The following CDH13 variants were observed in gnomAD, a reference collection of about 807,000 sequenced individuals.
CDH13 encodes the protein cadherin-13.
Under a neutral mutation model 63.8 loss-of-function variants are expected in CDH13, and 24 were observed. The ratio of observed to expected loss-of-function variants is 0.38; its 90% confidence interval spans 0.27 to 0.53. CDH13 has a LOEUF of 0.53. Ranked by LOEUF, CDH13 falls within the 20% of genes least tolerant of loss-of-function variation. The pLI is 0.85. For missense variants in CDH13, 1,049 were observed against 903.1 expected (o/e 1.16, Z -2.07); for synonymous variants, 503 against 355.3 (o/e 1.42, Z -4.67).
intron 5 of CDH13, among the ~76,000 whole-genome samples, chr16:83,270,072 AT>A (rs2088755590): frequency 6.6e-6 from 1 of 152,216 alleles, no homozygotes; most frequent in African/African-American, 2.4e-5. Context: ...CTCTTTGGAA[AT>A]TAATTACTGA....
At chr16:83,337,456 T>A (rs1013294289) in intron 5 of CDH13, among the ~76,000 whole-genome samples, 10 of 151,990 alleles carry the variant, frequency 6.6e-5, no homozygotes, top group African/African-American at 2.4e-4. Context: ...CTAGTGCCCA[T>A]CTACCATGCC....
intron 8 of CDH13, chr16:83,654,908 G>T (rs1912724422): frequency 6.6e-6 from 1 of 152,288 alleles, no homozygotes; most frequent in South Asian, 2.1e-4. Context: ...CCTCCAGGCG[G>T]GCTGCTCCCT....
intron 4 of CDH13, among the ~76,000 whole-genome samples, chr16:83,139,047 CTG>C (rs1029479847): frequency 7.9e-5 from 12 of 152,178 alleles, no homozygotes; most frequent in Non-Finnish European, 1.5e-4. Context: ...ACTGAAGGAA[CTG>C]TTTTATCCAC....
At chr16:83,489,583 G>T (rs2073963755) in intron 7 of CDH13, among the ~76,000 whole-genome samples, 1 of 152,188 alleles carries the variant, frequency 6.6e-6, no homozygotes. Flanking sequence ...GTCTTTGAGG[G>T]TAAAAAACTT....
At chr16:82,940,849 A>T (rs767141265) in intron 2 of CDH13, among the ~76,000 whole-genome samples, 1 of 152,082 alleles carries the variant, frequency 6.6e-6, no homozygotes, top group South Asian at 2.1e-4. Flanking sequence ...CTCAAACTCA[A>T]CCCAGCTGCA....
At chr16:83,082,271 A>G (rs941746581) in intron 3 of CDH13, among the ~76,000 whole-genome samples, 3 of 152,158 alleles carry the variant, frequency 2.0e-5, no homozygotes, top group African/African-American at 7.2e-5. Flanking sequence ...TTGCATCTCA[A>G]CAGCCCAAAA....
At chr16:83,347,457 C>A (rs1295892544) in intron 6 of CDH13, among the ~76,000 whole-genome samples, 1 of 152,108 alleles carries the variant, frequency 6.6e-6, no homozygotes, top group Admixed American at 6.5e-5. Context: ...CAGTGCATAA[C>A]CTGCCTTCAA....
At chr16:83,212,841 G>A (rs749477038) in intron 4 of CDH13, among the ~76,000 whole-genome samples, 7 of 152,182 alleles carry the variant, frequency 4.6e-5, no homozygotes, top group Non-Finnish European at 7.3e-5. Flanking sequence ...GGGAATTTGC[G>A]TTTTTAATGA....
chr16:82,876,702 T>C (rs527880947), intron 2 of CDH13, among the ~76,000 whole-genome samples: 1 of 152,302 alleles, frequency 6.6e-6, no homozygotes, highest in African/African-American at 2.4e-5. Flanking sequence ...TTCAAATTCC[T>C]GGTAGAGAAG....
chr16:83,347,614 G>A (rs908872510), intron 6 of CDH13, among the ~76,000 whole-genome samples: 10 of 152,120 alleles, frequency 6.6e-5, no homozygotes, highest in African/African-American at 2.4e-4. Flanking sequence ...GCCCTGAGAG[G>A]TGGCTACCAC....
intron 5 of CDH13, among the ~76,000 whole-genome samples, chr16:83,231,480 AG>A (rs934958575): frequency 9.2e-5 from 14 of 152,158 alleles, no homozygotes; most frequent in African/African-American, 3.4e-4. Flanking sequence ...CCTTTGAGGT[AG>A]TGAGTCCCCT....
At chr16:83,473,340 G>A (rs1235292437) in intron 6 of CDH13, among the ~76,000 whole-genome samples, 2 of 152,186 alleles carry the variant, frequency 1.3e-5, no homozygotes, top group Non-Finnish European at 1.5e-5. Context: ...TGCAAAATCA[G>A]CAACATTACA....
rs541477686 is a variant in CDH13, at chr16:83,676,009, C to T, written c.1285-2199C>T. On this transcript the variant is annotated intron_variant, in intron 9 of 13. Coordinates refer to ENST00000567109, the MANE Select transcript of CDH13 (RefSeq NM_001257.5). ...GAAAGAAATGGTCTCTGTCTGCAGCCTCCCAGGCAGCTTATAGTTATAAGA... is the reference window on the plus strand; with the variant it reads ...GAAAGAAATGGTCTCTGTCTGCAGCTTCCCAGGCAGCTTATAGTTATAAGA... Among the ~76,000 whole-genome samples, 36 of 152,242 alleles carry T rather than the reference C, an allele frequency of 2.4e-4. 1 individual carries two copies. The East Asian group carries it at 6.2e-3, about 26-fold the overall frequency.
intron 3 of CDH13, among the ~76,000 whole-genome samples, chr16:83,115,172 G>A (rs1429758983): frequency 2.0e-5 from 3 of 152,200 alleles, no homozygotes; most frequent in Non-Finnish European, 4.4e-5. Flanking sequence ...ATAGCAAAGT[G>A]TTTTTAGAGC....
chr16:82,855,416 T>C (rs1003853338), intron 1 of CDH13, among the ~76,000 whole-genome samples: 23 of 152,210 alleles, frequency 1.5e-4, no homozygotes, highest in African/African-American at 4.6e-4. Flanking sequence ...AGTTTCCTGG[T>C]CTGGGAGCTG....
chr16:82,663,781 G>T (rs766282807), intron 1 of CDH13, among the ~76,000 whole-genome samples: 1 of 152,196 alleles, frequency 6.6e-6, no homozygotes, highest in Non-Finnish European at 1.5e-5. Flanking sequence ...CCAAGGTGGG[G>T]TTGGGGGTGA....
chr16:82,818,894 G>T (rs2037860225), intron 1 of CDH13, among the ~76,000 whole-genome samples: 1 of 152,202 alleles, frequency 6.6e-6, no homozygotes, highest in African/African-American at 2.4e-5. Context: ...ACGGTAAAAT[G>T]AGTTATGCCT....
intron 7 of CDH13, among the ~76,000 whole-genome samples, chr16:83,532,429 T>C (rs2075101801): frequency 6.6e-6 from 1 of 152,226 alleles, no homozygotes; most frequent in South Asian, 2.1e-4. Context: ...GCTTGGAACA[T>C]GGGAGTCCCT....
intron 5 of CDH13, among the ~76,000 whole-genome samples, chr16:83,273,909 C>A (rs1215936972): frequency 6.6e-6 from 1 of 152,170 alleles, no homozygotes; most frequent in East Asian, 1.9e-4. Flanking sequence ...TCTAGCCTCA[C>A]ATGCAGGACC....
Sources: allele counts gnomAD v4.1 joint callset (sites outside exome capture counted in the v4.1 genomes callset), GRCh38; gene constraint gnomAD v4.1.1; transcripts MANE v1.5; gene names NCBI Gene and HGNC (gene_info 2026-07-23, HGNC 2026-07-21).